The following SUN1 variants were observed in gnomAD, a reference collection of about 807,000 sequenced individuals.
SUN1 encodes the protein Sad1 and UNC84 domain containing 1.
SUN1 carries 61 observed loss-of-function variants against 103.2 expected under a neutral mutation model. That is an observed-to-expected ratio of 0.59 (90% CI 0.48 to 0.73). The LOEUF is 0.73. Among genes scored for constraint, SUN1 ranks in the 30% least tolerant of loss-of-function variants. SUN1 has a pLI of 0.00. For missense variants in SUN1, 1,052 were observed against 1,034.6 expected (o/e 1.02, Z -0.23); for synonymous variants, 490 against 425.7 (o/e 1.15, Z -1.86).
At position 874,497 on chromosome 7, in the gene SUN1, T is replaced by C. The variant is rs1354972721; in HGVS notation, c.*1166T>C. The C allele has an allele frequency of 3.3e-5, 5 of 152,678 alleles. No homozygotes were observed. The highest frequency in any genetic ancestry group is 1.3e-4 in the Admixed American group (2 of 15,288). The allele number at this position is 152,678 out of a possible 1,614,324, so 9.5% of individuals were successfully genotyped here. On this transcript the variant is annotated 3_prime_UTR_variant, in exon 19 of 19. Coordinates refer to ENST00000401592, the MANE Select transcript of SUN1 (RefSeq NM_001130965.3). ...AGTTTTCAGTGTACCGTAAATGTTGTGTTTTCAGAAAAAGACAAAACGATG... is the reference window on the plus strand; with the variant it reads ...AGTTTTCAGTGTACCGTAAATGTTGCGTTTTCAGAAAAAGACAAAACGATG...
At chr7:835,405 CT>C (rs916904422) in intron 1 of SUN1, among the ~76,000 whole-genome samples, 4 of 152,266 alleles carry the variant, frequency 2.6e-5, no homozygotes, top group African/African-American at 9.6e-5. Flanking sequence ...CCAAATACCA[CT>C]ATCATCCCAG....
At chr7:843,171 C>G in intron 3 of SUN1, 35 bp from the exon 4 acceptor site, 1 of 1,591,828 alleles carries the variant, frequency 6.3e-7, no homozygotes, top group Non-Finnish European at 8.5e-7. Flanking sequence ...AGCTCAACAG[C>G]AAAAATGTGT....
chr7:855,720 G>T (rs186135959), intron 11 of SUN1, among the ~76,000 whole-genome samples: 8 of 152,336 alleles, frequency 5.3e-5, no homozygotes, highest in Middle Eastern at 6.8e-3. Flanking sequence ...AGGCGAGAAT[G>T]TACCCGCCTG....
chr7:821,806 C>A (rs1562473999), intron 1 of SUN1, among the ~76,000 whole-genome samples: 1 of 152,174 alleles, frequency 6.6e-6, no homozygotes, highest in Non-Finnish European at 1.5e-5. Context: ...CGGTCCTGAA[C>A]ACAGCGGGAA....
At position 860,133 on chromosome 7, in the gene SUN1, C is replaced by T. The variant is rs369720300; in HGVS notation, c.1530C>T (p.Asp510=). ...TCCGTCTGCTGTTTTACTAGGTGGA[C>T]GTGCAAGTCAGAGAAATGGTGAAAC... ...ETVDAVQERV[D]VQVREMVKLL... Residue 510 remains aspartate (D), a synonymous_variant, in exon 14 of 19, where the codon GAC becomes GAT. Coordinates refer to ENST00000401592, the MANE Select transcript of SUN1 (RefSeq NM_001130965.3). The T allele has an allele frequency of 1.2e-5, 20 of 1,613,660 alleles. No homozygotes were observed. The highest frequency in any genetic ancestry group is 6.7e-5 in the East Asian group (3 of 44,884).
chr7:818,472 G>C (rs774368659), intron 1 of SUN1, among the ~76,000 whole-genome samples: 1 of 152,180 alleles, frequency 6.6e-6, no homozygotes, highest in Non-Finnish European at 1.5e-5. Flanking sequence ...GCACCTGTTG[G>C]CTAGTGTGAG....
At chr7:834,946 G>T (rs531595683) in intron 1 of SUN1, among the ~76,000 whole-genome samples, 1 of 152,242 alleles carries the variant, frequency 6.6e-6, no homozygotes, top group East Asian at 1.9e-4. Flanking sequence ...TGTGGTGGTA[G>T]GCTCCTGTAA....
At chr7:853,172 CAT>C in intron 9 of SUN1, 1 of 754,442 alleles carries the variant, frequency 1.3e-6, no homozygotes, top group Non-Finnish European at 2.1e-6. Flanking sequence ...ATTTTAAAAA[CAT>C]AATAGTATTC....
intron 1 of SUN1, among the ~76,000 whole-genome samples, chr7:818,086 T>G (rs1473063148): frequency 6.6e-6 from 1 of 152,226 alleles, no homozygotes; most frequent in Non-Finnish European, 1.5e-5. Context: ...TTTTTGTTTT[T>G]GATTGTGCTA....
chr7:843,459 G>T lies in SUN1; in HGVS notation c.597G>T (p.Thr199=), dbSNP rs374832216. The T allele has an allele frequency of 6.2e-7, 1 of 1,614,104 alleles. No homozygotes were observed. Among genetic ancestry groups the T allele is most frequent in the South Asian group, 1.1e-5 (1 of 91,088 alleles). Residue 199 remains threonine, a synonymous_variant, in exon 5 of 19, where the codon ACG becomes ACT. Coordinates refer to ENST00000401592, the MANE Select transcript of SUN1 (RefSeq NM_001130965.3). Reference sequence around the variant, plus strand: ...TGTCCGAGCGCAAGGACGTGCTCACGGCGCACCCCGCGGCCCCCGGGCCCG... The same window carrying T: ...TGTCCGAGCGCAAGGACGTGCTCACTGCGCACCCCGCGGCCCCCGGGCCCG... ...SMLSERKDVL[T]AHPAAPGPVS...
intron 16 of SUN1, chr7:868,584 G>C (rs1839055094): frequency 7.4e-6 from 1 of 135,710 alleles, no homozygotes; most frequent in Non-Finnish European, 1.4e-5. Context: ...GGCAGTGCTG[G>C]TTCCCTGTGG....
chr7:870,787 C>T (rs943012045), intron 17 of SUN1, among the ~76,000 whole-genome samples: 23 of 152,090 alleles, frequency 1.5e-4, no homozygotes, highest in African/African-American at 5.5e-4. Flanking sequence ...TTCCCGTGGA[C>T]GAGACACTCA....
intron 13 of SUN1, among the ~76,000 whole-genome samples, chr7:858,286 T>C (rs977978096): frequency 6.6e-6 from 1 of 152,188 alleles, no homozygotes; most frequent in Non-Finnish European, 1.5e-5. Context: ...AACTCCTGAC[T>C]CCAAGTGATC....
At chr7:828,273 G>GT (rs1446262270), upstream of SUN1, among the ~76,000 whole-genome samples, 400 of 148,752 alleles carry the variant, frequency 2.7e-3, 4 homozygotes, top group African/African-American at 8.9e-3. Context: ...TTTTGTTTTT[G>GT]TTTTGTTTTG....
chr7:849,654 C>T (rs753774963), intron 5 of SUN1: 12 of 1,526,772 alleles, frequency 7.9e-6, no homozygotes, highest in Middle Eastern at 1.7e-4. Context: ...GTTGGTCCCA[C>T]ACGCTGTCAT....
chr7:867,762 G>A (rs114421133), intron 16 of SUN1, among the ~76,000 whole-genome samples: 5,528 of 152,316 alleles, frequency 0.036, 111 homozygotes, highest in Non-Finnish European at 0.048. Context: ...CCCACCCCAG[G>A]ACCAAGGTGG....
intron 1 of SUN1, among the ~76,000 whole-genome samples, chr7:836,176 CT>C (rs1802940405): frequency 6.6e-6 from 1 of 152,060 alleles, no homozygotes; most frequent in Non-Finnish European, 1.5e-5. Context: ...TGTCTAGATG[CT>C]GGTGGTCAGG....
chr7:861,493 G>A lies in SUN1; in HGVS notation c.1864+29G>A, dbSNP rs1832185730. ...AGTAAATAGACGTTCTGATTACTAA[G>A]TTAGATGATCACCTGTTAGCAGGGG... On this transcript the variant is annotated intron_variant, in intron 15 of 18. Transcript: ENST00000401592. 3 of 1,611,116 alleles carry A rather than the reference G, an allele frequency of 1.9e-6. No individual in the cohort carries two copies. In the African/African-American group the frequency reaches 4.0e-5, roughly 21 times the overall value.
intron 3 of SUN1, 151 bp from the exon 4 acceptor site, chr7:843,055 T>A: frequency 9.0e-7 from 1 of 1,110,954 alleles, no homozygotes; most frequent in Non-Finnish European, 1.3e-6. Context: ...TGCATATATC[T>A]GGAGGCATTT....
Sources: gnomAD v4.1 joint callset for allele counts (sites outside exome capture counted in the v4.1 genomes callset) on GRCh38, gnomAD v4.1.1 for gene constraint, MANE v1.5 for transcripts, NCBI Gene and HGNC (gene_info 2026-07-23, HGNC 2026-07-21) for gene names.